The following NRXN3 variants were observed in gnomAD, a reference collection of about 807,000 sequenced individuals.
NRXN3 encodes neurexin III.
Under a neutral mutation model 137.6 loss-of-function variants are expected in NRXN3, and 32 were observed. The ratio of observed to expected loss-of-function variants is 0.23; its 90% CI spans 0.18 to 0.31. The LOEUF is 0.31. Ranked by LOEUF, NRXN3 falls within the 10% of genes least tolerant of loss-of-function variation. The pLI is 1.00. For synonymous variants in NRXN3, 798 were observed against 784.5 expected (o/e 1.02, Z -0.29); for missense variants, 1,574 against 2,062.5 (o/e 0.76, Z 4.59).
chr14:78,661,361 T>C (rs935765224), intron 6 of NRXN3, among the ~76,000 whole-genome samples: 3 of 152,216 alleles, frequency 2.0e-5, no homozygotes, highest in Non-Finnish European at 2.9e-5. Flanking sequence ...GAAGACACAT[T>C]TTGTGATATT....
In NRXN3 at chr14:79,365,893, G is replaced by T. The variant is rs557964458; in HGVS notation, c.3263-101328G>T. On this transcript the variant is annotated intron_variant, in intron 15 of 20. Coordinates refer to ENST00000335750, the MANE Select transcript of NRXN3 (RefSeq NM_001330195.2). ...TGTATGTTAAAATTGATATTTCTGTGAAAGAGGTTAAGATCAGACCGCTTT... is the reference window on the plus strand; with the variant it reads ...TGTATGTTAAAATTGATATTTCTGTTAAAGAGGTTAAGATCAGACCGCTTT... 2.6e-5 allele frequency among the ~76,000 whole-genome samples: 4 copies of T among 152,026 alleles called. No homozygotes were observed. In the East Asian group the frequency reaches 7.7e-4, roughly 29 times the overall value.
At chr14:79,768,067 G>T (rs1450993888) in intron 19 of NRXN3, among the ~76,000 whole-genome samples, 2 of 152,200 alleles carry the variant, frequency 1.3e-5, no homozygotes, top group African/African-American at 2.4e-5. Context: ...TTTCCGACGG[G>T]CTTAAAAAAT....
chr14:79,652,742 C>T (rs969512320), intron 16 of NRXN3, among the ~76,000 whole-genome samples: 5 of 151,900 alleles, frequency 3.3e-5, no homozygotes, highest in African/African-American at 1.2e-4. Flanking sequence ...TGAGGGAAAG[C>T]ACTTTCCTTT....
At chr14:78,656,765 C>T (rs992348066) in intron 6 of NRXN3, among the ~76,000 whole-genome samples, 8 of 152,018 alleles carry the variant, frequency 5.3e-5, no homozygotes, top group Admixed American at 2.0e-4. Context: ...GTCCCTCGGC[C>T]GAGTGCGGTG....
intron 16 of NRXN3, among the ~76,000 whole-genome samples, chr14:79,614,705 G>A (rs1461153071): frequency 6.8e-6 from 1 of 147,794 alleles, no homozygotes; most frequent in African/African-American, 2.6e-5. Flanking sequence ...CCAGCAAAAT[G>A]TTACGTTAAA....
At chr14:79,753,118 G>A (rs1347295657) in intron 19 of NRXN3, among the ~76,000 whole-genome samples, 2 of 151,774 alleles carry the variant, frequency 1.3e-5, no homozygotes, top group Admixed American at 6.6e-5. Flanking sequence ...TTACACTGTT[G>A]GTGGGACTGT....
rs2099414160 is a variant in NRXN3, at chr14:79,861,721, G to A, written c.4473G>A (p.Glu1491=). ...RVPGASEVIR[E]SSSTTGMVVG... is the part of the protein sequence containing the mutation. ...CGGGGGCCTCAGAGGTGATCCGGGA[G>A]TCGAGCAGCACAACAGGGATGGTCG... Residue 1491 remains glutamate, a synonymous_variant, in exon 21 of 21, where the codon GAG becomes GAA. Coordinates refer to ENST00000335750, the MANE Select transcript of NRXN3 (RefSeq NM_001330195.2). The surrounding 1 kb of genome is among the most constrained non-coding windows in gnomAD (Gnocchi z 5.4). 2 of 1,614,084 alleles carry A rather than the reference G, an allele frequency of 1.2e-6. No individual in the cohort carries two copies. Among genetic ancestry groups the A allele is most frequent in the Non-Finnish European group, 1.7e-6 (2 of 1,180,002 alleles).
chr14:78,525,878 A>G (rs1484302885), intron 4 of NRXN3, among the ~76,000 whole-genome samples: 1 of 152,140 alleles, frequency 6.6e-6, no homozygotes, highest in Non-Finnish European at 1.5e-5. Flanking sequence ...TTCTTCATGT[A>G]TGCAGTGAAG....
At chr14:79,432,190 T>C (rs1209722937) in intron 15 of NRXN3, among the ~76,000 whole-genome samples, 2 of 152,172 alleles carry the variant, frequency 1.3e-5, no homozygotes, top group African/African-American at 4.8e-5. Context: ...TCTTAACCAC[T>C]TCGGATTATG....
intron 15 of NRXN3, among the ~76,000 whole-genome samples, chr14:79,044,257 A>G (rs933151657): frequency 1.6e-4 from 25 of 151,554 alleles, no homozygotes; most frequent in African/African-American, 6.1e-4. Context: ...TTGTCCCCAA[A>G]TGTAAAATAG....
At chr14:79,431,482 A>T (rs1281036356) in intron 15 of NRXN3, among the ~76,000 whole-genome samples, 1 of 152,182 alleles carries the variant, frequency 6.6e-6, no homozygotes, top group African/African-American at 2.4e-5. Context: ...CAGGTGTCAT[A>T]TAACAATTAA....
intron 4 of NRXN3, among the ~76,000 whole-genome samples, chr14:78,317,292 G>A (rs1206912475): frequency 6.6e-6 from 1 of 152,200 alleles, no homozygotes; most frequent in South Asian, 2.1e-4. Flanking sequence ...TTCATGACCT[G>A]TTGGGAACCA....
intron 15 of NRXN3, among the ~76,000 whole-genome samples, chr14:79,219,144 T>G (rs1000093783): frequency 6.6e-6 from 1 of 152,122 alleles, no homozygotes; most frequent in Admixed American, 6.6e-5. Flanking sequence ...TTATTAGAGA[T>G]AGGGTCTCAC....
intron 4 of NRXN3, among the ~76,000 whole-genome samples, chr14:78,466,983 A>T (rs867289288): frequency 1.3e-5 from 2 of 152,312 alleles, no homozygotes; most frequent in South Asian, 4.1e-4. Flanking sequence ...GTACCCCTGC[A>T]CTTAAAAGTT....
At chr14:79,602,476 C>A (rs1434750324) in intron 16 of NRXN3, among the ~76,000 whole-genome samples, 1 of 152,168 alleles carries the variant, frequency 6.6e-6, no homozygotes, top group Non-Finnish European at 1.5e-5. Flanking sequence ...CTTTAAAGAA[C>A]CTTTCCCATC....
intron 14 of NRXN3, among the ~76,000 whole-genome samples, chr14:78,976,199 T>A (rs1313444953): frequency 6.6e-6 from 1 of 152,188 alleles, no homozygotes; most frequent in Admixed American, 6.6e-5. Flanking sequence ...TTATGAGAAA[T>A]AAAAGAATAA....
intron 15 of NRXN3, among the ~76,000 whole-genome samples, chr14:79,390,805 C>T (rs1192435693): frequency 1.3e-5 from 2 of 152,152 alleles, no homozygotes; most frequent in Non-Finnish European, 2.9e-5. Context: ...GAGACTTAAT[C>T]CTCAAGGCAA....
chr14:78,256,107 A>G (rs1004952317), intron 2 of NRXN3, among the ~76,000 whole-genome samples: 4 of 152,144 alleles, frequency 2.6e-5, no homozygotes, highest in Admixed American at 6.5e-5. Flanking sequence ...TTACAAACCA[A>G]TGATTTCCTA....
intron 4 of NRXN3, among the ~76,000 whole-genome samples, chr14:78,581,899 C>T (rs1348722218): frequency 6.6e-6 from 1 of 152,216 alleles, no homozygotes; most frequent in East Asian, 1.9e-4. Context: ...TAGTTCAGCC[C>T]ATCCAAGGGC....
Sources: allele counts gnomAD v4.1 joint callset (sites outside exome capture counted in the v4.1 genomes callset), GRCh38; gene constraint gnomAD v4.1.1; non-coding constraint Gnocchi (gnomAD v3.1); transcripts MANE v1.5; gene names NCBI Gene and HGNC (gene_info 2026-07-23, HGNC 2026-07-21).